Variants in RALGPS1 observed in about 807,000 individuals in gnomAD.
RALGPS1 encodes the protein Ral GEF with PH domain and SH3 binding motif 1.
RALGPS1 carries 19 observed loss-of-function variants against 78.8 expected under a neutral mutation model. The observed-to-expected ratio is 0.24, with a 90% CI of 0.17 to 0.35. RALGPS1 has a LOEUF of 0.35. RALGPS1 is among the 10% of genes least tolerant of loss of function. The pLI is 1.00. For missense variants in RALGPS1, 454 were observed against 688.3 expected (o/e 0.66, Z 3.81); for synonymous variants, 228 against 256.3 (o/e 0.89, Z 1.06).
chr9:126,977,780 C>T, intron 4 of RALGPS1, 35 bp downstream of exon 4: 1 of 1,499,972 alleles, frequency 6.7e-7, no homozygotes, highest in Non-Finnish European at 9.1e-7. Flanking sequence ...TCTATTCATG[C>T]TGTGGGTGGG....
At chr9:127,178,629 G>A (rs569947958) in intron 11 of RALGPS1, 10 of 340,484 alleles carry the variant, frequency 2.9e-5, no homozygotes, top group African/African-American at 4.5e-5. Flanking sequence ...AGGTCAGGCC[G>A]TCTAACAGCC....
At chr9:127,072,119 T>G (rs953828651) in intron 8 of RALGPS1, among the ~76,000 whole-genome samples, 1 of 152,262 alleles carries the variant, frequency 6.6e-6, no homozygotes, top group African/African-American at 2.4e-5. Flanking sequence ...CATAGCATCA[T>G]GTTTTCAAGG....
rs1161156771 is a variant in RALGPS1 at position 127,060,548 on chromosome 9, A to G, written c.483+7609A>G. Reference sequence around the variant, plus strand: ...GTTGTTGTTGTTGTTGTTGTTATTAATATTTTCAACTCTTCTTGACTATTC... The same window carrying G: ...GTTGTTGTTGTTGTTGTTGTTATTAGTATTTTCAACTCTTCTTGACTATTC... On this transcript the variant is annotated intron_variant, in intron 7 of 18. Coordinates refer to ENST00000259351, the MANE Select transcript of RALGPS1 (RefSeq NM_014636.3). Among the ~76,000 whole-genome samples, 5 of 151,410 alleles carry G rather than the reference A, an allele frequency of 3.3e-5. No individual in the cohort carries two copies. In the South Asian group the frequency reaches 8.4e-4, roughly 26 times the overall value.
chr9:126,925,033 A>C (rs1331526745), intron 1 of RALGPS1, among the ~76,000 whole-genome samples: 1 of 152,088 alleles, frequency 6.6e-6, no homozygotes, highest in Middle Eastern at 3.2e-3. Flanking sequence ...AGGCTGAGGC[A>C]GGAGAATCGC....
intron 5 of RALGPS1, among the ~76,000 whole-genome samples, chr9:127,041,914 G>A (rs1279022126): frequency 6.6e-6 from 1 of 152,190 alleles, no homozygotes; most frequent in Admixed American, 6.5e-5. Flanking sequence ...GAAGGCTGAG[G>A]CAGAGACCAG....
chr9:126,974,137 G>A (rs1173250258), intron 3 of RALGPS1, among the ~76,000 whole-genome samples: 2 of 152,166 alleles, frequency 1.3e-5, no homozygotes, highest in African/African-American at 2.4e-5. Context: ...GCCTCCCAAA[G>A]TGCTATGATT....
At chr9:127,041,045 G>GTGTGTGTGTGTGTC (rs761553094) in intron 5 of RALGPS1, among the ~76,000 whole-genome samples, 8 of 151,222 alleles carry the variant, frequency 5.3e-5, no homozygotes, top group South Asian at 4.2e-4. Flanking sequence ...GTGTGTGTGT[G>GTGTGTGTGTGTGTC]TGTGTGTGTG....
chr9:127,049,172 A>G (rs1589209616), intron 5 of RALGPS1, among the ~76,000 whole-genome samples: 1 of 152,002 alleles, frequency 6.6e-6, no homozygotes, highest in Non-Finnish European at 1.5e-5. Context: ...CTGTCATTGC[A>G]CTCTTGGGCA....
chr9:126,949,817 A>T (rs1355818768), intron 1 of RALGPS1, among the ~76,000 whole-genome samples: 1 of 151,688 alleles, frequency 6.6e-6, no homozygotes, highest in African/African-American at 2.4e-5. Context: ...CTTTAGTTTA[A>T]TTAGATCCCA....
chr9:127,156,804 G>C (rs541558070), intron 8 of RALGPS1, among the ~76,000 whole-genome samples: 5 of 151,884 alleles, frequency 3.3e-5, no homozygotes, highest in African/African-American at 1.2e-4. Flanking sequence ...AAGCCTTTGC[G>C]TACCTCAGCA....
At chr9:127,195,954 G>C (rs992073538) in intron 12 of RALGPS1, among the ~76,000 whole-genome samples, 3 of 152,212 alleles carry the variant, frequency 2.0e-5, no homozygotes, top group Admixed American at 1.3e-4. Flanking sequence ...GCAGCCCTCT[G>C]TGCTAGACAC....
chr9:127,215,425 T>A (rs1259688565), intron 18 of RALGPS1, among the ~76,000 whole-genome samples: 1 of 152,256 alleles, frequency 6.6e-6, no homozygotes, highest in Admixed American at 6.5e-5. Flanking sequence ...AAGGGTGTTA[T>A]GCGAAATGTT....
intron 11 of RALGPS1, chr9:127,177,845 C>T: frequency 6.5e-7 from 1 of 1,547,296 alleles, no homozygotes; most frequent in Non-Finnish European, 8.7e-7. Context: ...TCAGGTACAG[C>T]CTCCTTTCCC....
intron 2 of RALGPS1, among the ~76,000 whole-genome samples, chr9:126,963,365 A>G (rs372180371): frequency 4.3e-4 from 66 of 151,838 alleles, no homozygotes; most frequent in South Asian, 1.7e-3. Flanking sequence ...GTGTGTGTGT[A>G]TATATATATA....
rs2062309684 is a variant in RALGPS1 at position 127,212,289 on chromosome 9, T to C, written c.1353+53T>C. 7.3e-7 allele frequency: 1 copy of C among 1,367,348 alleles called. No individual in the cohort carries two copies. Among genetic ancestry groups the C allele is most frequent in the South Asian group, 1.3e-5 (1 of 78,416 alleles). The allele number at this position is 1,367,348 out of a possible 1,614,324, so 84.7% of individuals were successfully genotyped here. A position where few individuals can be genotyped will look rare whatever the true frequency, so the allele number is the denominator to read the frequency against. On this transcript the variant is annotated intron_variant, in intron 15 of 18. Transcript: ENST00000259351. This position sits in a 1 kb window ranked among gnomAD's most constrained non-coding sequence, Gnocchi z 6.0. ...CAGCAGGGGCTTCCACATCTGTAAA[T>C]AGTGCCCACTCCTAGAGGTCTCAGC...
At chr9:127,175,560 G>T (rs980721961) in intron 11 of RALGPS1, among the ~76,000 whole-genome samples, 1 of 151,998 alleles carries the variant, frequency 6.6e-6, no homozygotes, top group Non-Finnish European at 1.5e-5. Context: ...TCGGGGGCGT[G>T]GGGGGTCAAG....
intron 4 of RALGPS1, among the ~76,000 whole-genome samples, chr9:127,018,406 G>A (rs2134086192): frequency 6.6e-6 from 1 of 152,058 alleles, no homozygotes; most frequent in South Asian, 2.1e-4. Context: ...GGGAGGCCAA[G>A]GCAGGTGGAT....
chr9:127,212,441 A>T lies in RALGPS1; in HGVS notation c.1354-186A>T, dbSNP rs2062322153. On this transcript the variant is annotated intron_variant, in intron 15 of 18. Transcript: ENST00000259351. This position sits in a 1 kb window ranked among gnomAD's most constrained non-coding sequence, Gnocchi z 6.0. ...GGCTCCTTGAGTAAAGGAGCAAGAG[A>T]CGGGAGGGAAGACGCCTCCTGTCTT... Among the ~76,000 whole-genome samples, 1 of 152,138 alleles carries T rather than the reference A, an allele frequency of 6.6e-6. No individual in the cohort carries two copies. The highest frequency in any genetic ancestry group is 6.5e-5 in the Admixed American group (1 of 15,280).
At chr9:127,070,584 T>G (rs2050111309) in intron 8 of RALGPS1, among the ~76,000 whole-genome samples, 1 of 152,228 alleles carries the variant, frequency 6.6e-6, no homozygotes, top group Non-Finnish European at 1.5e-5. Context: ...TGCTTTTTCA[T>G]GGTTTTCCTT....
Sources: gnomAD v4.1 joint callset for allele counts (sites outside exome capture counted in the v4.1 genomes callset) on GRCh38, gnomAD v4.1.1 for gene constraint, Gnocchi (gnomAD v3.1) non-coding constraint, MANE v1.5 for transcripts, NCBI Gene and HGNC (gene_info 2026-07-23, HGNC 2026-07-21) for gene names.